Variants in TRAPPC3L observed in about 807,000 individuals in gnomAD.
The protein encoded by TRAPPC3L is trafficking protein particle complex subunit 3-like protein.
In TRAPPC3L, 23 loss-of-function variants were observed where a neutral mutation model predicts 23.7. The ratio of observed to expected loss-of-function variants is 0.97; its 90% confidence interval spans 0.70 to 1.37. The LOEUF (loss-of-function observed/expected upper bound fraction) is 1.37. Among genes scored for constraint, TRAPPC3L ranks in the 40% most tolerant of loss-of-function variants. The pLI, the probability that TRAPPC3L is intolerant of heterozygous loss-of-function variation, is 0.00. For missense variants in TRAPPC3L, 212 were observed against 216.8 expected, an observed-to-expected ratio of 0.98 and a Z score of 0.14; for synonymous variants, 81 against 77.9, an observed-to-expected ratio of 1.04 and a Z score of -0.21.
At chr6:116,515,915 G>C (rs1230798942) in intron 3 of TRAPPC3L, 4 of 1,613,780 alleles carry the variant, frequency 2.5e-6, no homozygotes, top group Non-Finnish European at 1.7e-6. Flanking sequence ...CAGAGTGGTG[G>C]ACAATGGTCT....
chr6:116,544,525 G>A (rs1022437800), intron 1 of TRAPPC3L, among the ~76,000 whole-genome samples: 5 of 151,980 alleles, frequency 3.3e-5, no homozygotes, highest in South Asian at 2.1e-4. Flanking sequence ...TATCTTTATC[G>A]TTTTTAAAAC....
At chr6:116,515,659 T>TCG in intron 3 of TRAPPC3L, 2 of 1,614,054 alleles carry the variant, frequency 1.2e-6, no homozygotes, top group Non-Finnish European at 1.7e-6. Context: ...CCACATGTTA[T>TCG]GCTCGCTGCC....
chr6:116,536,588 T>C (rs1355018565), intron 3 of TRAPPC3L, among the ~76,000 whole-genome samples: 1 of 152,198 alleles, frequency 6.6e-6, no homozygotes, highest in Non-Finnish European at 1.5e-5. Flanking sequence ...GGTTTCTTCA[T>C]CTAGTCAATT....
At chr6:116,544,151 A>AAG (rs141606346) in intron 1 of TRAPPC3L, among the ~76,000 whole-genome samples, 6,817 of 132,934 alleles carry the variant, frequency 0.051, 331 homozygotes, top group African/African-American at 0.13. Flanking sequence ...AAAGGTGAAG[A>AAG]AGAGAGAGAG....
chr6:116,506,860 G>C (rs1424427672), intron 3 of TRAPPC3L, among the ~76,000 whole-genome samples: 8 of 152,118 alleles, frequency 5.3e-5, no homozygotes. Flanking sequence ...ACCGGGACCT[G>C]TCAGGCTGGG....
At chr6:116,533,464 T>C (rs1489956231) in intron 3 of TRAPPC3L, among the ~76,000 whole-genome samples, 1 of 152,198 alleles carries the variant, frequency 6.6e-6, no homozygotes, top group Non-Finnish European at 1.5e-5. Flanking sequence ...CACCTCTTCC[T>C]TCCACCAGAC....
intron 3 of TRAPPC3L, among the ~76,000 whole-genome samples, chr6:116,527,551 T>G (rs989121791): frequency 6.7e-6 from 1 of 150,134 alleles, no homozygotes; most frequent in African/African-American, 2.4e-5. Flanking sequence ...ATTCCCATGC[T>G]ATGTGTTAAG....
At chr6:116,498,478 G>A (rs994293153) in intron 4 of TRAPPC3L, among the ~76,000 whole-genome samples, 1 of 152,198 alleles carries the variant, frequency 6.6e-6, no homozygotes. Flanking sequence ...TTACATGCAT[G>A]CCTCATTATT....
At chr6:116,516,706 T>TATAC (rs1160076947) in intron 3 of TRAPPC3L, 1 of 123,112 alleles carries the variant, frequency 8.1e-6, no homozygotes, top group Non-Finnish European at 1.7e-5. Flanking sequence ...TATATATATA[T>TATAC]ATACACACAC....
chr6:116,537,314 A>G (rs1773160847), intron 3 of TRAPPC3L, among the ~76,000 whole-genome samples: 1 of 152,208 alleles, frequency 6.6e-6, no homozygotes, highest in Admixed American at 6.5e-5. Flanking sequence ...TTTGGAAAGC[A>G]GATGTTGTAC....
intron 4 of TRAPPC3L, 119 bp from the exon 5 acceptor site, chr6:116,497,192 G>T: frequency 7.6e-7 from 1 of 1,317,930 alleles, no homozygotes; most frequent in Non-Finnish European, 1.0e-6. Flanking sequence ...AAAAAAGCTT[G>T]TTCGTGGATA....
intron 3 of TRAPPC3L, chr6:116,522,695 AC>A (rs1195567237): frequency 6.6e-6 from 1 of 152,328 alleles, no homozygotes; most frequent in East Asian, 1.9e-4. Context: ...ATTAATATCT[AC>A]GAAAAAATAG....
intron 4 of TRAPPC3L, among the ~76,000 whole-genome samples, chr6:116,500,093 A>G (rs549704821): frequency 6.6e-6 from 1 of 152,326 alleles, no homozygotes; most frequent in Admixed American, 6.5e-5. Flanking sequence ...AAAGAGGTCC[A>G]TGTGGCCAGG....
chr6:116,513,748 C>T (rs17078021), intron 3 of TRAPPC3L, among the ~76,000 whole-genome samples: 2,654 of 152,132 alleles, frequency 0.017, 66 homozygotes, highest in South Asian at 0.066. Context: ...TGCCTGGAGG[C>T]GGAAAAGAAC....
At chr6:116,528,408 T>C (rs1246189615) in intron 3 of TRAPPC3L, among the ~76,000 whole-genome samples, 1 of 152,090 alleles carries the variant, frequency 6.6e-6, no homozygotes, top group African/African-American at 2.4e-5. Context: ...ATAGACCAAA[T>C]GGGTGAGTGA....
intron 3 of TRAPPC3L, chr6:116,512,076 G>A (rs1206664318): frequency 6.2e-7 from 1 of 1,614,034 alleles, no homozygotes; most frequent in East Asian, 2.2e-5. Flanking sequence ...TTCTATGAAT[G>A]TGCCATGAGC....
At position 116,544,647 on chromosome 6, in the gene TRAPPC3L, C is replaced by T. The variant is rs369635856; in HGVS notation, c.42+826G>A. Among the ~76,000 whole-genome samples the T allele has an allele frequency of 2.4e-4, 36 of 152,166 alleles. No individual in the cohort carries two copies. In the East Asian group the frequency reaches 4.2e-3, roughly 18 times the overall value. On this transcript the variant is annotated intron_variant, in intron 1 of 4. Coordinates refer to ENST00000368602, the MANE Select transcript of TRAPPC3L (RefSeq NM_001139444.3). ...ACTGCTTTATAAAATCAAGTGATTT[C>T]GGTATAATATGAACTATGTACCATA...
chr6:116,545,591 CTTTTTGTTTTG>C lies in TRAPPC3L; in HGVS notation c.-88_-78del. The C allele has an allele frequency of 1.5e-6, 2 of 1,365,510 alleles. No homozygotes were observed. Among genetic ancestry groups the C allele is most frequent in the Non-Finnish European group, 2.0e-6 (2 of 996,664 alleles). The allele number at this position is 1,365,510 out of a possible 1,614,324, so 84.6% of individuals were successfully genotyped here. A position where few individuals can be genotyped will look rare whatever the true frequency, so the allele number is the denominator to read the frequency against. On this transcript the variant is annotated 5_prime_UTR_variant, in exon 1 of 5. Coordinates refer to ENST00000368602, the MANE Select transcript of TRAPPC3L (RefSeq NM_001139444.3). ...TTCTTAGAGGTGTATCAGTCCATGT[CTTTTTGTTTTG>C]TTTTTGTAAGCTCTTCCTCGCTTTG...
intron 3 of TRAPPC3L, among the ~76,000 whole-genome samples, chr6:116,502,796 A>G (rs1771939404): frequency 6.6e-6 from 1 of 152,252 alleles, no homozygotes; most frequent in Admixed American, 6.5e-5. Flanking sequence ...GTGAAGGAGA[A>G]ATAAAATCCT....
Sources: gnomAD v4.1 joint callset for allele counts (sites outside exome capture counted in the v4.1 genomes callset) on GRCh38, gnomAD v4.1.1 for gene constraint, MANE v1.5 for transcripts, NCBI Gene and HGNC (gene_info 2026-07-23, HGNC 2026-07-21) for gene names.